Variants in TSHZ2 observed in about 807,000 individuals in gnomAD.
The protein encoded by TSHZ2 is teashirt homolog 2.
Under a neutral mutation model 74.4 loss-of-function variants are expected in TSHZ2, and 21 were observed. The ratio of observed to expected loss-of-function variants is 0.28; its 90% CI spans 0.20 to 0.41. TSHZ2 has a LOEUF of 0.41. Among genes scored for constraint, TSHZ2 ranks in the 10% least tolerant of loss-of-function variants. The probability of loss-of-function intolerance (pLI) is 1.00; values close to 1 mark genes in which losing one functional copy is unlikely to be tolerated. For missense variants in TSHZ2, 1,244 were observed against 1,293.5 expected (o/e 0.96, Z 0.59); for synonymous variants, 540 against 515.3 (o/e 1.05, Z -0.65).
Position 53,256,417 on chromosome 20 carries a change from G to A in TSHZ2, c.2959G>A (p.Glu987Lys), listed in dbSNP as rs749112887. The A allele has an allele frequency of 5.0e-6, 8 of 1,613,940 alleles. No individual in the cohort carries two copies. The highest frequency in any genetic ancestry group is 4.0e-5 in the African/African-American group (3 of 74,926). The change falls in exon 2 of 3, where the codon GAA (glutamate) becomes AAA (lysine). Residue 987 changes from glutamate to lysine, a missense_variant. By Grantham distance (56) the Glu-to-Lys change is moderately conservative. Coordinates refer to ENST00000371497, the MANE Select transcript of TSHZ2 (RefSeq NM_173485.6). This position sits in a 1 kb window ranked among gnomAD's most constrained non-coding sequence, Gnocchi z 4.3. ...GAGGTCTCCAGAAACAATAGCTGCC[G>A]AAGAGGACACAGACTCTAAATTCAA... Reference protein sequence around the residue: ...AQRSPETIAAEEDTDSKFKCK... With the variant: ...AQRSPETIAAKEDTDSKFKCK...
chr20:53,059,641 G>T (rs549670614), intron 1 of TSHZ2, among the ~76,000 whole-genome samples: 1 of 152,250 alleles, frequency 6.6e-6, no homozygotes, highest in Admixed American at 6.5e-5. Context: ...TTAGTAAGAG[G>T]TTATTAATTG....
At chr20:52,996,661 C>T (rs1436565665) in intron 1 of TSHZ2, among the ~76,000 whole-genome samples, 2 of 152,264 alleles carry the variant, frequency 1.3e-5, no homozygotes, top group East Asian at 3.9e-4. Context: ...ATATATTGTG[C>T]GTTTGAGCTT....
intron 2 of TSHZ2, among the ~76,000 whole-genome samples, chr20:53,264,188 T>C (rs1350959742): frequency 6.6e-6 from 1 of 152,256 alleles, no homozygotes; most frequent in African/African-American, 2.4e-5. Context: ...ATTTGACCTA[T>C]GGTATTTGTC....
chr20:53,089,320 C>CTTT (rs5841928), intron 1 of TSHZ2, among the ~76,000 whole-genome samples: 140 of 99,848 alleles, frequency 1.4e-3, no homozygotes, highest in Middle Eastern at 5.4e-3. Context: ...ATGGGATTTT[C>CTTT]TTTTTTTTTT....
chr20:53,095,659 T>C (rs1343966899), intron 1 of TSHZ2, among the ~76,000 whole-genome samples: 2 of 152,162 alleles, frequency 1.3e-5, no homozygotes, highest in Non-Finnish European at 2.9e-5. Flanking sequence ...ACTCTTGACA[T>C]TTAGGGCCAG....
chr20:53,225,876 C>T (rs530117983), intron 1 of TSHZ2, among the ~76,000 whole-genome samples: 6 of 152,014 alleles, frequency 3.9e-5, no homozygotes, highest in Non-Finnish European at 7.4e-5. Flanking sequence ...AAGAGGGAAT[C>T]GGTTTAAATA....
At chr20:53,404,801 G>T (rs560579007) in intron 2 of TSHZ2, among the ~76,000 whole-genome samples, 1 of 151,618 alleles carries the variant, frequency 6.6e-6, no homozygotes, top group Non-Finnish European at 1.5e-5. Context: ...TTCAATGAAG[G>T]GTTAGAGTCT....
chr20:53,161,130 C>CAGAAAAAAAAAAA (rs1987924697), intron 1 of TSHZ2, among the ~76,000 whole-genome samples: 1 of 67,978 alleles, frequency 1.5e-5, no homozygotes, highest in African/African-American at 6.1e-5. Flanking sequence ...TTATTTTCAG[C>CAGAAAAAAAAAAA]AAAAAAAAAA....
At chr20:53,433,367 T>C (rs952660155) in intron 2 of TSHZ2, among the ~76,000 whole-genome samples, 13 of 152,098 alleles carry the variant, frequency 8.5e-5, no homozygotes, top group African/African-American at 3.1e-4. Context: ...ACCCTGTCTC[T>C]ACAAAAAGTT....
At chr20:53,202,972 G>A (rs572436423) in intron 1 of TSHZ2, among the ~76,000 whole-genome samples, 5 of 152,076 alleles carry the variant, frequency 3.3e-5, no homozygotes, top group Non-Finnish European at 7.4e-5. Flanking sequence ...AGCCATTAGC[G>A]ATGAATCATA....
At chr20:53,161,687 A>G (rs866102565) in intron 1 of TSHZ2, among the ~76,000 whole-genome samples, 1 of 152,228 alleles carries the variant, frequency 6.6e-6, no homozygotes, top group Non-Finnish European at 1.5e-5. Flanking sequence ...CTATCATGAG[A>G]ACAGCATGAA....
At chr20:53,067,601 G>A (rs550139968) in intron 1 of TSHZ2, among the ~76,000 whole-genome samples, 1 of 152,320 alleles carries the variant, frequency 6.6e-6, no homozygotes, top group Non-Finnish European at 1.5e-5. Flanking sequence ...GTTCTCCCAA[G>A]CTGCTTCCAG....
intron 2 of TSHZ2, among the ~76,000 whole-genome samples, chr20:53,346,063 A>G (rs180742019): frequency 6.6e-6 from 1 of 152,328 alleles, no homozygotes. Flanking sequence ...CTTGATGTTA[A>G]TGAAGGTGTC....
At chr20:53,185,716 T>G (rs1258454593) in intron 1 of TSHZ2, 1 of 1,535,950 alleles carries the variant, frequency 6.5e-7, no homozygotes, top group Non-Finnish European at 8.7e-7. Flanking sequence ...AAGTCATCCC[T>G]ATGGCTCTAT....
At chr20:53,158,474 A>T (rs1052792628) in intron 1 of TSHZ2, among the ~76,000 whole-genome samples, 1 of 150,904 alleles carries the variant, frequency 6.6e-6, no homozygotes, top group Non-Finnish European at 1.5e-5. Context: ...GTGGGCTGAT[A>T]GTGGTGGAGG....
rs140816945 is a variant in TSHZ2 at position 53,051,936 on chromosome 20, T to C, written c.40+78603T>C. Among the ~76,000 whole-genome samples the C allele has an allele frequency of 5.2e-3, 797 of 152,268 alleles. 6 individuals are homozygous for C. The highest frequency in any genetic ancestry group is 0.018 in the African/African-American group (736 of 41,540). ...CAGCTGTTGCTTCACATAGATAATATGCCCATTACCTTTTGGAACAAAATT... is the reference window on the plus strand; with the variant it reads ...CAGCTGTTGCTTCACATAGATAATACGCCCATTACCTTTTGGAACAAAATT... On this transcript the variant is annotated intron_variant, in intron 1 of 2. Transcript: ENST00000371497.
chr20:53,250,636 A>G (rs1193020136), intron 1 of TSHZ2, among the ~76,000 whole-genome samples: 4 of 152,150 alleles, frequency 2.6e-5, no homozygotes, highest in Admixed American at 2.6e-4. Context: ...AACAGACAAA[A>G]AGGGTCTCTC....
At chr20:53,382,656 TC>T (rs972252858) in intron 2 of TSHZ2, among the ~76,000 whole-genome samples, 1 of 151,770 alleles carries the variant, frequency 6.6e-6, no homozygotes, top group Non-Finnish European at 1.5e-5. Flanking sequence ...ACTCCATGGC[TC>T]CCCCCGGGCC....
intron 2 of TSHZ2, among the ~76,000 whole-genome samples, chr20:53,324,419 C>CCAGTGA (rs1979410970): frequency 6.6e-6 from 1 of 152,044 alleles, no homozygotes; most frequent in Admixed American, 6.5e-5. Context: ...ACTCTATCAC[C>CCAGTGA]CAGGCTGGAG....
Sources: gnomAD v4.1 joint callset for allele counts (sites outside exome capture counted in the v4.1 genomes callset) on GRCh38, gnomAD v4.1.1 for gene constraint, Gnocchi (gnomAD v3.1) non-coding constraint, MANE v1.5 for transcripts, NCBI Gene and HGNC (gene_info 2026-07-23, HGNC 2026-07-21) for gene names.